KANSL1: variants seen among roughly 807,000 people sequenced by gnomAD.
The protein encoded by KANSL1 is KAT8 regulatory NSL complex subunit 1.
Under a neutral mutation model 103.6 loss-of-function variants are expected in KANSL1, and 22 were observed. The ratio of observed to expected loss-of-function variants is 0.21; its 90% CI spans 0.15 to 0.30. KANSL1 has a LOEUF of 0.30. Among genes scored for constraint, KANSL1 ranks in the 10% least tolerant of loss-of-function variants. The pLI is 1.00. For missense variants in KANSL1, 1,337 were observed against 1,399.8 expected (o/e 0.96, Z 0.72); for synonymous variants, 600 against 527.6 (o/e 1.14, Z -1.88).
At chr17:46,213,442 A>C (rs2148032675) in intron 1 of KANSL1, among the ~76,000 whole-genome samples, 1 of 150,332 alleles carries the variant, frequency 6.7e-6, no homozygotes, top group Non-Finnish European at 1.5e-5. Context: ...CTGGGACTAC[A>C]GGCACCCAAC....
intron 7 of KANSL1, chr17:46,045,007 T>A (rs139607187): frequency 1.1e-3 from 165 of 152,222 alleles, no homozygotes; most frequent in African/African-American, 3.8e-3. Flanking sequence ...ATTTTTAACC[T>A]TGTTATGAAA....
upstream of KANSL1, chr17:46,193,870 C>G: frequency 6.1e-6 from 1 of 163,314 alleles, no homozygotes; most frequent in South Asian, 1.0e-4. Context: ...ACTGTTTGCA[C>G]TGTGTAGTAA....
At chr17:46,127,869 C>G (rs2043652489) in intron 2 of KANSL1, among the ~76,000 whole-genome samples, 2 of 152,196 alleles carry the variant, frequency 1.3e-5, no homozygotes, top group African/African-American at 4.8e-5. Flanking sequence ...CACCAGTTAC[C>G]AGTGGCAGCA....
intron 2 of KANSL1, among the ~76,000 whole-genome samples, chr17:46,159,682 G>C (rs1487199874): frequency 6.6e-6 from 1 of 152,348 alleles, no homozygotes; most frequent in East Asian, 1.9e-4. Flanking sequence ...AATGGAGAAA[G>C]AACATAAAAT....
At position 46,193,095 on chromosome 17, in the gene KANSL1, CGACGGGGCCCGAGCACGG is replaced by C. The variant is rs1224744115; in HGVS notation, c.-380_-363del. 2 of 152,130 alleles carry C rather than the reference CGACGGGGCCCGAGCACGG, an allele frequency of 1.3e-5. No homozygotes were observed. The highest frequency in any genetic ancestry group is 2.9e-5 in the Non-Finnish European group (2 of 68,276). The allele number at this position is 152,130 out of a possible 1,614,324, so 9.4% of individuals were successfully genotyped here. On this transcript the variant is annotated 5_prime_UTR_variant, in exon 1 of 15. Transcript: ENST00000432791. ...GCCCTTTCCCGGCCTTGCTCCGCAC[CGACGGGGCCCGAGCACGG>C]CTGGAGACCGCAGCCCGGCCGGGAG... is the stretch of plus-strand genomic sequence containing the variant.
chr17:46,203,906 T>C (rs1490547785), intron 1 of KANSL1, among the ~76,000 whole-genome samples: 1 of 152,258 alleles, frequency 6.6e-6, no homozygotes, highest in Non-Finnish European at 1.5e-5. Flanking sequence ...CCAAGTGTGG[T>C]GGCATGTGCC....
intron 1 of KANSL1, among the ~76,000 whole-genome samples, chr17:46,204,259 C>T (rs1331316350): frequency 6.6e-6 from 1 of 152,082 alleles, no homozygotes; most frequent in South Asian, 2.1e-4. Context: ...GAGTTCGAGA[C>T]CAGCCTGGCC....
Position 46,066,730 on chromosome 17 carries a change from A to G in KANSL1, c.1655T>C (p.Leu552Pro), listed in dbSNP as rs1257705790. ...AATGTGGTCTGCCAAGACAGGCTGAAGACTATACAAGGGGAAGGAAGAGTA... is the reference window on the plus strand; with the variant it reads ...AATGTGGTCTGCCAAGACAGGCTGAGGACTATACAAGGGGAAGGAAGAGTA... Reference protein sequence around the residue: ...LRPVNGVINTLQPVLADHIPG... With the variant: ...LRPVNGVINTPQPVLADHIPG... The change falls in exon 6 of 15, where the codon CTT becomes CCT. Residue 552 changes from leucine to proline, a missense_variant and splice_region_variant. This residue lies in a region of KANSL1 where 780 missense variants were observed against 923.4 expected (regional missense o/e 0.84). Transcript: ENST00000432791. 1 of 1,611,578 alleles carries G rather than the reference A, an allele frequency of 6.2e-7. No homozygotes were observed. Among genetic ancestry groups the G allele is most frequent in the Middle Eastern group, 1.7e-4 (1 of 6,056 alleles).
intron 3 of KANSL1, among the ~76,000 whole-genome samples, chr17:46,090,533 A>C (rs2079342339): frequency 1.3e-5 from 2 of 152,238 alleles, no homozygotes; most frequent in Non-Finnish European, 2.9e-5. Context: ...TTACAGACCA[A>C]GAATCTGAAG....
chr17:46,172,522 T>C (rs1056080111), intron 1 of KANSL1, among the ~76,000 whole-genome samples: 1 of 152,148 alleles, frequency 6.6e-6, no homozygotes, highest in African/African-American at 2.4e-5. Context: ...AATCACAGAT[T>C]GTTAAAATTA....
At position 46,216,596 on chromosome 17, in the gene KANSL1, CTCAAAAAA is replaced by C. The variant is rs2048346741; in HGVS notation, c.-90+7067_-90+7074del. Among the ~76,000 whole-genome samples the C allele has an allele frequency of 4.1e-5, 4 of 97,706 alleles. No homozygotes were observed. The South Asian group carries it at 1.1e-3, about 26-fold the overall frequency. 64.1% of individuals were successfully genotyped at this position (97,706 alleles called of 152,430 possible). On this transcript the variant is annotated intron_variant, in intron 1 of 14. Transcript: ENST00000572904. ...CCTGGGCAAAAGAGCAAGACTCCGT[CTCAAAAAA>C]AAAAAAAAAAAAGTTTCAAAGATAA...
intron 11 of KANSL1, 70 bp downstream of exon 11, chr17:46,034,091 A>G (rs2077084519): frequency 6.3e-7 from 1 of 1,577,006 alleles, no homozygotes; most frequent in South Asian, 1.2e-5. Context: ...ACTCTTGGTC[A>G]GAAGAGAAGA....
chr17:46,176,415 GCA>G, intron 1 of KANSL1, among the ~76,000 whole-genome samples: 2 of 152,282 alleles, frequency 1.3e-5, no homozygotes, highest in South Asian at 4.1e-4. Context: ...CTCCAGCTGG[GCA>G]CAGTGGCTCA....
intron 2 of KANSL1, among the ~76,000 whole-genome samples, chr17:46,131,018 T>C (rs1048092124): frequency 1.3e-5 from 2 of 152,224 alleles, no homozygotes; most frequent in Admixed American, 1.3e-4. Context: ...CACAGTCTTT[T>C]TCAATTACAC....
intron 7 of KANSL1, chr17:46,041,911 T>TGTGTGTGTGTG (rs1568378151): frequency 7.1e-6 from 1 of 140,578 alleles, no homozygotes; most frequent in African/African-American, 2.7e-5. Flanking sequence ...TGTGTGTGTG[T>TGTGTGTGTGTG]ATATTTTTTT....
intron 3 of KANSL1, among the ~76,000 whole-genome samples, chr17:46,086,063 T>C (rs2079151748): frequency 6.6e-6 from 1 of 152,238 alleles, no homozygotes; most frequent in Admixed American, 6.5e-5. Flanking sequence ...TGTATAATTT[T>C]TTTCCTAACA....
rs2076959256 is a variant in KANSL1 at position 46,029,972 on chromosome 17, A to G, written c.*1504T>C. The G allele has an allele frequency of 6.7e-6, 1 of 150,186 alleles. No individual in the cohort carries two copies. Among genetic ancestry groups the G allele is most frequent in the Non-Finnish European group, 1.5e-5 (1 of 67,554 alleles). 9.3% of individuals were successfully genotyped at this position (150,186 alleles called of 1,614,324 possible). On this transcript the variant is annotated 3_prime_UTR_variant, in exon 15 of 15. Transcript: ENST00000432791. ...TTTTCCTTCTTTTTTTTTTTTAAGC[A>G]CTAGTCTGTGCTTTGCGAACAGAAT...
intron 2 of KANSL1, among the ~76,000 whole-genome samples, chr17:46,139,849 G>GAAAGA (rs201550892): frequency 1.3e-5 from 2 of 151,986 alleles, no homozygotes; most frequent in African/African-American, 4.8e-5. Context: ...GGAATGAAGG[G>GAAAGA]AAAGAAAAGA....
At chr17:46,126,836 T>C (rs1163236919) in intron 2 of KANSL1, among the ~76,000 whole-genome samples, 3 of 152,196 alleles carry the variant, frequency 2.0e-5, no homozygotes, top group Non-Finnish European at 2.9e-5. Flanking sequence ...GAAAGAATAA[T>C]GTGAAAATGT....
Sources: allele counts gnomAD v4.1 joint callset (sites outside exome capture counted in the v4.1 genomes callset), GRCh38; gene constraint gnomAD v4.1.1; regional missense constraint gnomAD v4.1.1; transcripts MANE v1.5; gene names NCBI Gene and HGNC (gene_info 2026-07-23, HGNC 2026-07-21).